Variants in CCSER1 observed in about 807,000 individuals in gnomAD.
CCSER1 encodes coiled-coil serine rich protein 1.
Under a neutral mutation model 82.0 loss-of-function variants are expected in CCSER1, and 41 were observed. The observed-to-expected ratio is 0.50, with a 90% CI of 0.39 to 0.65. The LOEUF is 0.65. Among genes scored for constraint, CCSER1 ranks in the 30% least tolerant of loss-of-function variants. The pLI is 0.00. For missense variants in CCSER1, 1,119 were observed against 1,064.2 expected (o/e 1.05, Z -0.72); for synonymous variants, 414 against 383.9 (o/e 1.08, Z -0.92).
intron 5 of CCSER1, among the ~76,000 whole-genome samples, chr4:90,616,848 A>T (rs1721381319): frequency 6.6e-6 from 1 of 152,168 alleles, no homozygotes; most frequent in Non-Finnish European, 1.5e-5. Context: ...TCCTCTAATC[A>T]GTATGTATTC....
At chr4:90,185,731 A>G (rs1734496727) in intron 1 of CCSER1, among the ~76,000 whole-genome samples, 1 of 152,062 alleles carries the variant, frequency 6.6e-6, no homozygotes, top group Non-Finnish European at 1.5e-5. Flanking sequence ...AAATCTCTCT[A>G]CTGAAAATGT....
intron 10 of CCSER1, among the ~76,000 whole-genome samples, chr4:91,433,180 G>A (rs1190807105): frequency 1.1e-4 from 16 of 152,072 alleles, no homozygotes; most frequent in Non-Finnish European, 2.4e-4. Flanking sequence ...ATTAAGCTCC[G>A]TGAGATTTAG....
rs532956742 is a variant in CCSER1, at chr4:90,699,147, A to G, written c.1933-24767A>G. On this transcript the variant is annotated intron_variant, in intron 6 of 10. Coordinates refer to ENST00000509176, the MANE Select transcript of CCSER1 (RefSeq NM_001145065.2). ...TCCAAGAAGGAAGGAAAGAAAGGGCAGCTTAGACTTCAATGCAAAAGTGTG... is the reference window on the plus strand; with the variant it reads ...TCCAAGAAGGAAGGAAAGAAAGGGCGGCTTAGACTTCAATGCAAAAGTGTG... Among the ~76,000 whole-genome samples, 3 of 152,220 alleles carry G rather than the reference A, an allele frequency of 2.0e-5. No homozygotes were observed. The East Asian group carries it at 5.8e-4, about 29-fold the overall frequency.
intron 1 of CCSER1, among the ~76,000 whole-genome samples, chr4:90,136,320 C>T (rs1723691465): frequency 6.6e-6 from 1 of 151,904 alleles, no homozygotes; most frequent in African/African-American, 2.4e-5. Flanking sequence ...ACCATGCATT[C>T]CAGCTTGGGC....
chr4:91,461,531 C>T (rs890222119), intron 10 of CCSER1, among the ~76,000 whole-genome samples: 15 of 152,060 alleles, frequency 9.9e-5, no homozygotes, highest in Non-Finnish European at 1.6e-4. Flanking sequence ...CATTGTCAAA[C>T]CCCTTACCAG....
intron 4 of CCSER1, among the ~76,000 whole-genome samples, chr4:90,416,739 G>A (rs183494244): frequency 6.6e-6 from 1 of 152,146 alleles, no homozygotes; most frequent in East Asian, 1.9e-4. Context: ...TGATTTAAAT[G>A]TTATTATCTA....
At chr4:90,236,798 T>C (rs925274125) in intron 1 of CCSER1, among the ~76,000 whole-genome samples, 5 of 152,140 alleles carry the variant, frequency 3.3e-5, no homozygotes, top group Non-Finnish European at 5.9e-5. Flanking sequence ...TTTTGGGATG[T>C]ATTTATATTT....
At chr4:90,342,863 A>T (rs1415374032) in intron 3 of CCSER1, among the ~76,000 whole-genome samples, 2 of 151,722 alleles carry the variant, frequency 1.3e-5, no homozygotes, top group Non-Finnish European at 3.0e-5. Flanking sequence ...TTCTTAAAAC[A>T]TCCTTTTTGG....
intron 10 of CCSER1, among the ~76,000 whole-genome samples, chr4:91,375,506 A>G (rs1750346382): frequency 6.6e-6 from 1 of 151,114 alleles, no homozygotes. Context: ...GATGTGGGAT[A>G]CTTCACTGTT....
intron 9 of CCSER1, among the ~76,000 whole-genome samples, chr4:90,926,242 C>T (rs1321959249): frequency 2.0e-5 from 3 of 151,862 alleles, no homozygotes; most frequent in Non-Finnish European, 4.4e-5. Context: ...CTATTTATAA[C>T]TTGCAAATTG....
chr4:91,163,584 C>T (rs1381911623), intron 10 of CCSER1, among the ~76,000 whole-genome samples: 1 of 152,144 alleles, frequency 6.6e-6, no homozygotes, highest in African/African-American at 2.4e-5. Flanking sequence ...TTGTAGGTCT[C>T]TAAGGACTTG....
At chr4:90,668,583 A>G (rs1375654999) in intron 6 of CCSER1, among the ~76,000 whole-genome samples, 1 of 152,152 alleles carries the variant, frequency 6.6e-6, no homozygotes, top group Non-Finnish European at 1.5e-5. Flanking sequence ...AGAAAAAAGA[A>G]TGATTTGACA....
intron 10 of CCSER1, among the ~76,000 whole-genome samples, chr4:91,117,296 A>G (rs766594518): frequency 5.3e-5 from 8 of 152,220 alleles, no homozygotes; most frequent in African/African-American, 7.2e-5. Context: ...CTGAGACATC[A>G]TAGTGTTAAT....
intron 6 of CCSER1, among the ~76,000 whole-genome samples, chr4:90,666,075 A>G (rs573487655): frequency 6.6e-6 from 1 of 152,194 alleles, no homozygotes; most frequent in East Asian, 1.9e-4. Flanking sequence ...TCAAACCGGC[A>G]GTTGTGCATG....
chr4:91,456,448 C>T (rs1442337073), intron 10 of CCSER1, among the ~76,000 whole-genome samples: 2 of 151,980 alleles, frequency 1.3e-5, no homozygotes, highest in African/African-American at 4.8e-5. Flanking sequence ...GGAGAAATGG[C>T]TAGAGTGATA....
chr4:90,180,376 G>A (rs910076672), intron 1 of CCSER1, among the ~76,000 whole-genome samples: 1 of 151,968 alleles, frequency 6.6e-6, no homozygotes, highest in African/African-American at 2.4e-5. Context: ...AGTGCTAGAG[G>A]TCAGGAGTTC....
chr4:91,468,327 G>A (rs534404448), intron 10 of CCSER1, among the ~76,000 whole-genome samples: 1 of 152,194 alleles, frequency 6.6e-6, no homozygotes, highest in Admixed American at 6.5e-5. Context: ...CACAGGAACA[G>A]GAACATGACA....
intron 5 of CCSER1, among the ~76,000 whole-genome samples, chr4:90,502,487 T>A (rs1237515045): frequency 6.6e-6 from 1 of 152,154 alleles, no homozygotes; most frequent in Non-Finnish European, 1.5e-5. Context: ...AGCCAAACTA[T>A]ATCACTAAAA....
At chr4:90,683,452 C>A (rs1734252372) in intron 6 of CCSER1, among the ~76,000 whole-genome samples, 1 of 152,070 alleles carries the variant, frequency 6.6e-6, no homozygotes, top group Middle Eastern at 3.5e-3. Context: ...AAATACATAG[C>A]AAAAATGGTG....
Sources: allele counts gnomAD v4.1 joint callset (sites outside exome capture counted in the v4.1 genomes callset), GRCh38; gene constraint gnomAD v4.1.1; transcripts MANE v1.5; gene names NCBI Gene and HGNC (gene_info 2026-07-23, HGNC 2026-07-21).